The following RASSF8 variants were observed in gnomAD, a reference collection of about 807,000 sequenced individuals.
RASSF8 encodes the protein Ras association domain family member 8.
In RASSF8, 22 loss-of-function variants were observed where a neutral mutation model predicts 48.5. The observed-to-expected ratio is 0.45, with a 90% CI of 0.32 to 0.65. The LOEUF is 0.65. Ranked by LOEUF, RASSF8 falls within the 30% of genes least tolerant of loss-of-function variation. The probability of loss-of-function intolerance (pLI) is 0.03; values close to 1 mark genes in which losing one functional copy is unlikely to be tolerated. For synonymous variants in RASSF8, 127 were observed against 171.5 expected (o/e 0.74, Z 2.03); for missense variants, 418 against 489.2 (o/e 0.85, Z 1.37).
At chr12:26,027,619 T>A (rs1200758691) in intron 2 of RASSF8, among the ~76,000 whole-genome samples, 1 of 152,254 alleles carries the variant, frequency 6.6e-6, no homozygotes, top group Non-Finnish European at 1.5e-5. Context: ...AAGAGACTTC[T>A]GCTGTGTGGT....
intron 2 of RASSF8, among the ~76,000 whole-genome samples, chr12:26,016,897 T>C (rs1363193796): frequency 6.6e-6 from 1 of 152,180 alleles, no homozygotes; most frequent in Non-Finnish European, 1.5e-5. Context: ...TTTCTTTTCA[T>C]TTCTAGTGGT....
chr12:25,998,886 G>A (rs953194667), intron 2 of RASSF8, among the ~76,000 whole-genome samples: 2 of 152,082 alleles, frequency 1.3e-5, no homozygotes, highest in Non-Finnish European at 2.9e-5. Flanking sequence ...CAGTTTACCG[G>A]GAAAATGTGA....
At chr12:25,968,605 A>G (rs1202593812) in intron 1 of RASSF8, among the ~76,000 whole-genome samples, 1 of 152,100 alleles carries the variant, frequency 6.6e-6, no homozygotes, top group African/African-American at 2.4e-5. Context: ...CAGCCTCCCA[A>G]AGTGCTGGGA....
At chr12:26,041,609 A>G (rs182476766) in intron 2 of RASSF8, among the ~76,000 whole-genome samples, 1 of 152,306 alleles carries the variant, frequency 6.6e-6, no homozygotes, top group East Asian at 1.9e-4. Context: ...GTACACACCC[A>G]TATATATCTA....
At chr12:26,059,725 T>C (rs953642701) in intron 3 of RASSF8, among the ~76,000 whole-genome samples, 2 of 152,262 alleles carry the variant, frequency 1.3e-5, no homozygotes, top group Non-Finnish European at 2.9e-5. Context: ...TGTAGAATAT[T>C]ATTTTAATGA....
rs771133474 is a variant in RASSF8 at position 26,069,245 on chromosome 12, C to T, written c.*427C>T. Reference sequence around the variant, plus strand: ...ATTGACTTATCCTGTGACTGACTTACGTTACATATTGTGTGATTATGACCG... The same window carrying T: ...ATTGACTTATCCTGTGACTGACTTATGTTACATATTGTGTGATTATGACCG... On this transcript the variant is annotated 3_prime_UTR_variant, in exon 6 of 6. Coordinates refer to ENST00000689635, the MANE Select transcript of RASSF8 (RefSeq NM_001394098.1). The T allele has an allele frequency of 6.1e-6, 6 of 986,654 alleles. No individual in the cohort carries two copies. The highest frequency in any genetic ancestry group is 7.2e-6 in the Non-Finnish European group (6 of 829,434). The allele number at this position is 986,654 out of a possible 1,614,324, so 61.1% of individuals were successfully genotyped here. A position where few individuals can be genotyped will look rare whatever the true frequency, so the allele number is the denominator to read the frequency against.
At chr12:26,025,535 C>A in intron 2 of RASSF8, among the ~76,000 whole-genome samples, 1 of 147,292 alleles carries the variant, frequency 6.8e-6, no homozygotes. Flanking sequence ...GCACTCTAGC[C>A]CTGGGCGACA....
chr12:26,061,246 T>A (rs943947146), intron 3 of RASSF8, among the ~76,000 whole-genome samples: 66 of 152,182 alleles, frequency 4.3e-4, no homozygotes, highest in African/African-American at 1.6e-3. Flanking sequence ...GTTTGAGTTT[T>A]GGTGTGTATT....
chr12:26,040,874 A>G (rs983500646), intron 2 of RASSF8, among the ~76,000 whole-genome samples: 11 of 149,868 alleles, frequency 7.3e-5, no homozygotes, highest in Admixed American at 2.7e-4. Flanking sequence ...GTATTCTTAT[A>G]CTAACAATTA....
At chr12:25,985,230 G>T (rs376710129) in intron 1 of RASSF8, among the ~76,000 whole-genome samples, 33 of 152,114 alleles carry the variant, frequency 2.2e-4, no homozygotes, top group East Asian at 3.9e-4. Flanking sequence ...AAGGTTTTTT[G>T]TGTGTGTGTG....
intron 2 of RASSF8, among the ~76,000 whole-genome samples, chr12:26,012,715 C>G (rs1251465306): frequency 7.0e-6 from 1 of 143,866 alleles, no homozygotes; most frequent in African/African-American, 2.6e-5. Flanking sequence ...GGGTCTCACT[C>G]TGTTGCCCAG....
intron 2 of RASSF8, among the ~76,000 whole-genome samples, chr12:26,040,492 A>T (rs941826721): frequency 2.0e-5 from 3 of 152,206 alleles, no homozygotes; most frequent in Non-Finnish European, 2.9e-5. Flanking sequence ...AGGAAAGGGT[A>T]GGAAATGTTT....
Position 25,962,367 on chromosome 12 carries a change from A to G in RASSF8, c.-203+3219A>G, listed in dbSNP as rs369437435. ...CTCTGACAAGCCCACCCTTATCGTC[A>G]TGCGAATTAAATGTCCTTTATTTTC... On this transcript the variant is annotated intron_variant, in intron 1 of 5. Coordinates refer to ENST00000689635, the MANE Select transcript of RASSF8 (RefSeq NM_001394098.1). Among the ~76,000 whole-genome samples, 73 of 152,298 alleles carry G rather than the reference A, an allele frequency of 4.8e-4. 2 individuals carry two copies. In the South Asian group the frequency reaches 0.015, roughly 31 times the overall value.
intron 2 of RASSF8, among the ~76,000 whole-genome samples, chr12:26,054,855 A>G (rs1943568586): frequency 6.6e-6 from 1 of 152,200 alleles, no homozygotes; most frequent in African/African-American, 2.4e-5. Flanking sequence ...GTTCAATTTT[A>G]TTGATAATTC....
In RASSF8 at chr12:26,069,982, T is replaced by C. The variant is rs2137333991; in HGVS notation, c.*1164T>C. ...TTAATCTCCATTTGTACATATGTTA[T>C]TTTATTTGTAAAACCAAATATGACT... On this transcript the variant is annotated 3_prime_UTR_variant, in exon 6 of 6. Coordinates refer to ENST00000689635, the MANE Select transcript of RASSF8 (RefSeq NM_001394098.1). 1 of 974,860 alleles carries C rather than the reference T, an allele frequency of 1.0e-6. No homozygotes were observed. Among genetic ancestry groups the C allele is most frequent in the Non-Finnish European group, 1.2e-6 (1 of 820,318 alleles). 60.4% of individuals were successfully genotyped at this position (974,860 alleles called of 1,614,324 possible).
At chr12:26,005,019 A>C (rs1385064942) in intron 2 of RASSF8, among the ~76,000 whole-genome samples, 1 of 152,162 alleles carries the variant, frequency 6.6e-6, no homozygotes, top group East Asian at 1.9e-4. Context: ...GGAAGTTATG[A>C]AATGAAAAAT....
intron 2 of RASSF8, among the ~76,000 whole-genome samples, chr12:26,007,131 A>G (rs1996091): frequency 0.098 from 14,907 of 151,980 alleles, 780 homozygotes; most frequent in Middle Eastern, 0.15. Flanking sequence ...CTTTTCAGCA[A>G]CCAGCTCTGG....
At position 26,068,885 on chromosome 12, in the gene RASSF8, G is replaced by C; in HGVS notation, c.*67G>C. The C allele has an allele frequency of 6.6e-7, 1 of 1,518,112 alleles. No individual in the cohort carries two copies. Among genetic ancestry groups the C allele is most frequent in the Non-Finnish European group, 8.8e-7 (1 of 1,137,480 alleles). 94.0% of individuals were successfully genotyped at this position (1,518,112 alleles called of 1,614,324 possible). A position where few individuals can be genotyped will look rare whatever the true frequency, so the allele number is the denominator to read the frequency against. On this transcript the variant is annotated 3_prime_UTR_variant, in exon 6 of 6. Coordinates refer to ENST00000689635, the MANE Select transcript of RASSF8 (RefSeq NM_001394098.1). ...GGACAGTAAACTTCCTTTTTGATTTGTGCCAATGATGAACAGAGGATCTAT... is the reference window on the plus strand; with the variant it reads ...GGACAGTAAACTTCCTTTTTGATTTCTGCCAATGATGAACAGAGGATCTAT...
intron 3 of RASSF8, among the ~76,000 whole-genome samples, chr12:26,058,471 T>C (rs1296494121): frequency 1.3e-5 from 2 of 152,212 alleles, no homozygotes; most frequent in East Asian, 1.9e-4. Context: ...ATTTGTAGAC[T>C]GGTTTCTTAG....
Sources: allele counts gnomAD v4.1 joint callset (sites outside exome capture counted in the v4.1 genomes callset), GRCh38; gene constraint gnomAD v4.1.1; transcripts MANE v1.5; gene names NCBI Gene and HGNC (gene_info 2026-07-23, HGNC 2026-07-21).